The following ARHGAP24 variants were observed in gnomAD, a reference collection of about 807,000 sequenced individuals.
ARHGAP24 encodes rho GTPase-activating protein 24.
In ARHGAP24, 50 loss-of-function variants were observed where a neutral mutation model predicts 76.4. The observed-to-expected ratio is 0.65, with a 90% CI of 0.52 to 0.83. ARHGAP24 has a LOEUF of 0.83. ARHGAP24 is among the 40% of genes least tolerant of loss of function. The probability of loss-of-function intolerance (pLI) is 0.00; values close to 1 mark genes in which losing one functional copy is unlikely to be tolerated. For synonymous variants in ARHGAP24, 345 were observed against 323.3 expected (o/e 1.07, Z -0.72); for missense variants, 930 against 914.2 (o/e 1.02, Z -0.22).
intron 5 of ARHGAP24, among the ~76,000 whole-genome samples, chr4:85,960,916 G>A (rs1213723607): frequency 6.6e-6 from 1 of 151,982 alleles, no homozygotes; most frequent in African/African-American, 2.4e-5. Context: ...CATGAATATC[G>A]ATGCACTATA....
rs182423103 is a variant in ARHGAP24, at chr4:85,714,318, C to A, written c.181-7567C>A. Among the ~76,000 whole-genome samples, 68 of 152,224 alleles carry A rather than the reference C, an allele frequency of 4.5e-4. 1 individual carries two copies. In the East Asian group the frequency reaches 0.013, roughly 29 times the overall value. On this transcript the variant is annotated intron_variant, in intron 2 of 9. Coordinates refer to ENST00000395184, the MANE Select transcript of ARHGAP24 (RefSeq NM_001025616.3). ...CTCAAAATACTACATATCTTTTTCT[C>A]TATCAAAATTAATGCTCTCCTGTTA...
intron 3 of ARHGAP24, among the ~76,000 whole-genome samples, chr4:85,842,269 A>C (rs771676543): frequency 6.6e-6 from 1 of 152,144 alleles, no homozygotes; most frequent in Non-Finnish European, 1.5e-5. Flanking sequence ...TCTCTCTCTC[A>C]ATCATTTCTA....
intron 2 of ARHGAP24, among the ~76,000 whole-genome samples, chr4:85,592,585 A>T (rs1728162197): frequency 6.6e-6 from 1 of 152,150 alleles, no homozygotes; most frequent in South Asian, 2.1e-4. Flanking sequence ...TATTCATTCT[A>T]TCTGACTATA....
intron 3 of ARHGAP24, among the ~76,000 whole-genome samples, chr4:85,829,489 A>T (rs1279349299): frequency 1.3e-5 from 2 of 152,208 alleles, no homozygotes; most frequent in Admixed American, 6.5e-5. Flanking sequence ...TCTATGTAAG[A>T]GCACTGTGGT....
intron 1 of ARHGAP24, among the ~76,000 whole-genome samples, chr4:85,558,405 A>G (rs1726472979): frequency 6.6e-6 from 1 of 152,252 alleles, no homozygotes; most frequent in South Asian, 2.1e-4. Flanking sequence ...TGTTTAGCAT[A>G]TCTAAAACTA....
intron 3 of ARHGAP24, among the ~76,000 whole-genome samples, chr4:85,738,120 C>T (rs566986208): frequency 6.6e-6 from 1 of 152,138 alleles, no homozygotes; most frequent in African/African-American, 2.4e-5. Flanking sequence ...AGAGTTTCAC[C>T]ATGTTGGCCA....
Position 85,574,441 on chromosome 4 carries a change from G to T in ARHGAP24, c.180+3720G>T, listed in dbSNP as rs372402553. ...ACCCTGACCTGGGATTTTGAAGGTA[G>T]ATGTGAGTTTTCCAGGTAGATAAAT... On this transcript the variant is annotated intron_variant, in intron 2 of 9. Coordinates refer to ENST00000395184, the MANE Select transcript of ARHGAP24 (RefSeq NM_001025616.3). Among the ~76,000 whole-genome samples, 7 of 152,212 alleles carry T rather than the reference G, an allele frequency of 4.6e-5. No homozygotes were observed. In the East Asian group the frequency reaches 5.8e-4, roughly 13 times the overall value.
At chr4:85,738,405 CATT>C (rs1243287163) in intron 3 of ARHGAP24, among the ~76,000 whole-genome samples, 2 of 76,992 alleles carry the variant, frequency 2.6e-5, no homozygotes, top group East Asian at 4.5e-4. Context: ...TTATTATTAT[CATT>C]ATTATTATTA....
chr4:85,488,259 T>C (rs1723222896), intron 1 of ARHGAP24, among the ~76,000 whole-genome samples: 1 of 151,930 alleles, frequency 6.6e-6, no homozygotes, highest in Non-Finnish European at 1.5e-5. Flanking sequence ...ACACCTCCTG[T>C]GGAGAGGGGG....
intron 3 of ARHGAP24, among the ~76,000 whole-genome samples, chr4:85,899,689 T>G (rs1275914663): frequency 6.6e-6 from 1 of 152,212 alleles, no homozygotes; most frequent in Non-Finnish European, 1.5e-5. Flanking sequence ...TTCTTTCCAG[T>G]GCTGTTCAAA....
At chr4:85,781,972 G>A (rs148998306) in intron 3 of ARHGAP24, among the ~76,000 whole-genome samples, 334 of 147,900 alleles carry the variant, frequency 2.3e-3, no homozygotes, top group African/African-American at 8.2e-3. Context: ...GGTAGGCGGA[G>A]GTTTCAGTGA....
chr4:85,559,482 T>C (rs1214718896), intron 1 of ARHGAP24, among the ~76,000 whole-genome samples: 1 of 152,234 alleles, frequency 6.6e-6, no homozygotes, highest in Non-Finnish European at 1.5e-5. Flanking sequence ...TGTTATACAA[T>C]AGACCTCTTG....
chr4:85,750,128 G>A (rs1274941134), intron 3 of ARHGAP24, among the ~76,000 whole-genome samples: 1 of 151,906 alleles, frequency 6.6e-6, no homozygotes, highest in Non-Finnish European at 1.5e-5. Context: ...CTTGTTTTTT[G>A]GTAGGAGAAA....
chr4:85,547,706 G>T (rs1390514269), intron 1 of ARHGAP24, among the ~76,000 whole-genome samples: 6 of 152,156 alleles, frequency 3.9e-5, no homozygotes, highest in Non-Finnish European at 5.9e-5. Context: ...GAAGTGCTGG[G>T]TTTACAGGCT....
At chr4:85,865,161 G>A (rs1732124254) in intron 3 of ARHGAP24, among the ~76,000 whole-genome samples, 1 of 151,914 alleles carries the variant, frequency 6.6e-6, no homozygotes, top group Non-Finnish European at 1.5e-5. Flanking sequence ...TGTTGGATGT[G>A]TTTCAGAAAA....
At chr4:85,715,926 A>G (rs1272380701) in intron 2 of ARHGAP24, among the ~76,000 whole-genome samples, 1 of 152,100 alleles carries the variant, frequency 6.6e-6, no homozygotes, top group African/African-American at 2.4e-5. Context: ...AAAGAAAAAA[A>G]TTGAACCAAC....
At chr4:85,996,855 T>G (rs146191437) in intron 9 of ARHGAP24, among the ~76,000 whole-genome samples, 2 of 152,230 alleles carry the variant, frequency 1.3e-5, no homozygotes, top group African/African-American at 2.4e-5. Flanking sequence ...CATTTCACAC[T>G]GGGAAGCTTA....
intron 2 of ARHGAP24, among the ~76,000 whole-genome samples, chr4:85,616,453 T>C (rs1720540152): frequency 6.6e-6 from 1 of 152,244 alleles, no homozygotes; most frequent in Admixed American, 6.5e-5. Context: ...ACACTTCTAA[T>C]ATTTAAAGCC....
chr4:85,923,097 G>A (rs1735821634), intron 3 of ARHGAP24, among the ~76,000 whole-genome samples: 1 of 151,660 alleles, frequency 6.6e-6, no homozygotes, highest in Non-Finnish European at 1.5e-5. Context: ...GTGATCTCGG[G>A]GGATGAGGTT....
Sources: gnomAD v4.1 joint callset for allele counts (sites outside exome capture counted in the v4.1 genomes callset) on GRCh38, gnomAD v4.1.1 for gene constraint, MANE v1.5 for transcripts, NCBI Gene and HGNC (gene_info 2026-07-23, HGNC 2026-07-21) for gene names.